TPX2: variants seen among roughly 807,000 people sequenced by gnomAD.
The protein encoded by TPX2 is TPX2 microtubule nucleation factor.
Under a neutral mutation model 93.6 loss-of-function variants are expected in TPX2, and 21 were observed. That is an observed-to-expected ratio of 0.22 (90% confidence interval 0.16 to 0.32). The LOEUF is 0.32. Among genes scored for constraint, TPX2 ranks in the 10% least tolerant of loss-of-function variants. The pLI, the probability that TPX2 is intolerant of heterozygous loss-of-function variation, is 1.00. For synonymous variants in TPX2, 281 were observed against 298.3 expected (o/e 0.94, Z 0.60); for missense variants, 776 against 871.1 (o/e 0.89, Z 1.37).
intron 17 of TPX2, among the ~76,000 whole-genome samples, chr20:31,800,036 C>T (rs1239410711): frequency 2.0e-5 from 3 of 152,000 alleles, no homozygotes. Context: ...TGCGTGAGCC[C>T]AGGAGTTCAA....
intron 17 of TPX2, among the ~76,000 whole-genome samples, chr20:31,799,115 A>G (rs1185651044): frequency 6.6e-6 from 1 of 152,226 alleles, no homozygotes; most frequent in African/African-American, 2.4e-5. Flanking sequence ...TTGGAGTTAC[A>G]GTGTTCGTCG....
Position 31,783,872 on chromosome 20 carries a change from T to G in TPX2, c.1364T>G (p.Phe455Cys), listed in dbSNP as rs1290800624. Residue 455 changes from phenylalanine (F) to cysteine (C), a missense_variant, in exon 12 of 18, where the codon TTT (phenylalanine) becomes TGT (cysteine). Coordinates refer to ENST00000300403, the MANE Select transcript of TPX2 (RefSeq NM_012112.5). ...AAGAAGAAAACAGAGGATGAACACT[T>G]TGAATTTCATTCCAGACCTTGCCCT... ...ESKKKTEDEHFEFHSRPCPTK... is the reference protein window; with the variant it reads ...ESKKKTEDEHCEFHSRPCPTK... 3.7e-6 allele frequency: 6 copies of G among 1,609,134 alleles called. No individual in the cohort carries two copies. The highest frequency in any genetic ancestry group is 4.2e-6 in the Non-Finnish European group (5 of 1,179,048).
chr20:31,794,617 T>C lies in TPX2; in HGVS notation c.1833+69T>C, dbSNP rs890443828. 12 of 1,564,026 alleles carry C rather than the reference T, an allele frequency of 7.7e-6. No individual in the cohort carries two copies. In the Admixed American group the frequency reaches 1.5e-4, roughly 19 times the overall value. On this transcript the variant is annotated intron_variant, in intron 15 of 17. Transcript: ENST00000300403. Reference sequence around the variant, plus strand: ...GTTGATTGTACAGGCAGACCCACCATACTGAAATCACCTGGGTTAACATGC... The same window carrying C: ...GTTGATTGTACAGGCAGACCCACCACACTGAAATCACCTGGGTTAACATGC...
chr20:31,757,307 A>C (rs2061858166), intron 2 of TPX2, 100 bp from the exon 3 acceptor site: 6 of 598,086 alleles, frequency 1.0e-5, no homozygotes, highest in Non-Finnish European at 1.8e-5. Flanking sequence ...GGCTATTTTC[A>C]GTAAATTCTA....
rs1430860114 is a variant in TPX2 at position 31,760,179 on chromosome 20, G to A, written c.229G>A (p.Val77Ile). 6.2e-7 allele frequency: 1 copy of A among 1,613,112 alleles called. No individual in the cohort carries two copies. The highest frequency in any genetic ancestry group is 1.1e-5 in the South Asian group (1 of 90,940). Residue 77 changes from valine to isoleucine, a missense_variant and splice_region_variant, in exon 4 of 18, where the codon GTT becomes ATT. Val to Ile is a conservative substitution (Grantham distance 29). This residue lies in a region of TPX2 where 279 missense variants were observed against 261.6 expected (regional missense o/e 1.07). Coordinates refer to ENST00000300403, the MANE Select transcript of TPX2 (RefSeq NM_012112.5). ...QQAIVTPLKPVDNTYYKEAEK... is the reference protein window; with the variant it reads ...QQAIVTPLKPIDNTYYKEAEK... ...AGCTATTGTCACACCTTTGAAACCA[G>A]GTAAGAAAACATCTTAGAAAAAAGC... is the stretch of plus-strand genomic sequence containing the variant.
At chr20:31,789,505 T>C (rs1415206106) in intron 12 of TPX2, among the ~76,000 whole-genome samples, 2 of 152,146 alleles carry the variant, frequency 1.3e-5, no homozygotes, top group Admixed American at 1.3e-4. Context: ...CATTGAACAG[T>C]TACTACGGGG....
At chr20:31,781,563 C>T (rs1057457550) in intron 10 of TPX2, among the ~76,000 whole-genome samples, 2 of 151,352 alleles carry the variant, frequency 1.3e-5, no homozygotes, top group Non-Finnish European at 2.9e-5. Flanking sequence ...CTGTGACCGG[C>T]CAGGAAGGCC....
intron 7 of TPX2, 152 bp from the exon 8 acceptor site, chr20:31,775,715 T>G: frequency 1.4e-6 from 1 of 699,704 alleles, no homozygotes; most frequent in Non-Finnish European, 2.0e-6. Context: ...TGTTATCTAA[T>G]TAAGTTAGCA....
intron 2 of TPX2, among the ~76,000 whole-genome samples, chr20:31,744,207 G>T (rs1458728370): frequency 2.1e-5 from 3 of 145,980 alleles, no homozygotes; most frequent in African/African-American, 7.7e-5. Context: ...TGTCGCCCGG[G>T]TTGGAGTGCA....
Position 31,760,132 on chromosome 20 carries a change from T to G in TPX2, c.182T>G (p.Leu61Trp), listed in dbSNP as rs760377744. The change falls in exon 4 of 18, where the codon TTG becomes TGG. Residue 61 changes from leucine (L) to tryptophan (W), a missense_variant. Transcript: ENST00000300403. Reference sequence around the variant, plus strand: ...GGGCTTTTTCAGGGCAAAACTCCTTTGAGAAAGGCTAATCTTCAGCAAGCT... The same window carrying G: ...GGGCTTTTTCAGGGCAAAACTCCTTGGAGAAAGGCTAATCTTCAGCAAGCT... ...TGGLFQGKTP[L>W]RKANLQQAIV... 3.8e-5 allele frequency: 62 copies of G among 1,613,856 alleles called. No homozygotes were observed. Among genetic ancestry groups the G allele is most frequent in the Admixed American group, 3.3e-5 (2 of 59,960 alleles).
At chr20:31,745,486 C>T (rs2061778653) in intron 2 of TPX2, among the ~76,000 whole-genome samples, 1 of 152,128 alleles carries the variant, frequency 6.6e-6, no homozygotes, top group African/African-American at 2.4e-5. Flanking sequence ...CGCCACCACA[C>T]CTGGCTAATT....
At chr20:31,777,421 A>G in intron 8 of TPX2, 66 bp from the exon 9 acceptor site, 4 of 1,559,722 alleles carry the variant, frequency 2.6e-6, no homozygotes, top group Non-Finnish European at 3.5e-6. Flanking sequence ...GGACTGGAGT[A>G]AAGGGGATTT....
intron 12 of TPX2, among the ~76,000 whole-genome samples, chr20:31,785,191 CT>C (rs1306114771): frequency 2.0e-5 from 3 of 152,004 alleles, no homozygotes; most frequent in African/African-American, 7.3e-5. Flanking sequence ...GTTCACGATG[CT>C]TTTTTTTCCC....
rs1396744937 is a variant in TPX2, at chr20:31,782,230, C to T, written c.1055-19C>T. 1.3e-6 allele frequency: 2 copies of T among 1,595,508 alleles called. No individual in the cohort carries two copies. The highest frequency in any genetic ancestry group is 1.7e-6 in the Non-Finnish European group (2 of 1,170,572). On this transcript the variant is annotated intron_variant, in intron 10 of 17. Transcript: ENST00000300403. ...GGGTCTTGCGGATCTAGATGAACAT[C>T]TGTCATCTCTGTTTACAGACCTGTT...
chr20:31,777,537 C>G lies in TPX2; in HGVS notation c.781C>G (p.His261Asp). ...VSQVTKSVDF[H>D]FRTDERIKQH... is the part of the protein sequence containing the mutation. Reference sequence around the variant, plus strand: ...CCAGGTCACCAAATCAGTTGACTTCCACTTCCGCACAGATGAGCGAATCAA... The same window carrying G: ...CCAGGTCACCAAATCAGTTGACTTCGACTTCCGCACAGATGAGCGAATCAA... The change falls in exon 9 of 18, where the codon CAC (histidine) becomes GAC (aspartate). Residue 261 changes from histidine (H) to aspartate (D), a missense_variant. His to Asp is a moderately conservative substitution (Grantham distance 81, BLOSUM62 -1). This residue lies in a region of TPX2 where 279 missense variants were observed against 261.6 expected (regional missense o/e 1.07). Coordinates refer to ENST00000300403, the MANE Select transcript of TPX2 (RefSeq NM_012112.5). The G allele has an allele frequency of 6.2e-7, 1 of 1,614,036 alleles. No individual in the cohort carries two copies. Among genetic ancestry groups the G allele is most frequent in the Non-Finnish European group, 8.5e-7 (1 of 1,179,940 alleles).
At chr20:31,741,184 C>T (rs895402694) in intron 1 of TPX2, among the ~76,000 whole-genome samples, 1 of 152,176 alleles carries the variant, frequency 6.6e-6, no homozygotes, top group Non-Finnish European at 1.5e-5. Flanking sequence ...TGTCTCTTCC[C>T]TAATTCTCTT....
intron 7 of TPX2, among the ~76,000 whole-genome samples, chr20:31,772,021 T>TTC (rs2061967188): frequency 6.9e-6 from 1 of 144,658 alleles, no homozygotes; most frequent in Non-Finnish European, 1.5e-5. Context: ...CTGGCTAACT[T>TTC]TTTTTTTTTT....
chr20:31,763,832 A>G (rs548360027), intron 4 of TPX2, among the ~76,000 whole-genome samples: 29 of 151,292 alleles, frequency 1.9e-4, no homozygotes, highest in Non-Finnish European at 3.2e-4. Context: ...AGCCTGGCCA[A>G]TATGGTGAAA....
At chr20:31,788,084 A>C (rs1242240274) in intron 12 of TPX2, among the ~76,000 whole-genome samples, 1 of 152,172 alleles carries the variant, frequency 6.6e-6, no homozygotes, top group East Asian at 1.9e-4. Context: ...ACAGGGGATT[A>C]TAGCTTGCCT....
Sources: allele counts gnomAD v4.1 joint callset (sites outside exome capture counted in the v4.1 genomes callset), GRCh38; gene constraint gnomAD v4.1.1; regional missense constraint gnomAD v4.1.1; transcripts MANE v1.5; gene names NCBI Gene and HGNC (gene_info 2026-07-23, HGNC 2026-07-21).